VPS8: variants seen among roughly 807,000 people sequenced by gnomAD.
The protein encoded by VPS8 is VPS8 subunit of CORVET complex.
In VPS8, 129 loss-of-function variants were observed where a neutral mutation model predicts 216.4. That is an observed-to-expected ratio of 0.60 (90% CI 0.52 to 0.69). VPS8 has a LOEUF of 0.69. VPS8 is among the 30% of genes least tolerant of loss of function. VPS8 has a pLI of 0.00. For missense variants in VPS8, 1,531 were observed against 1,683.5 expected (o/e 0.91, Z 1.59); for synonymous variants, 571 against 565.4 (o/e 1.01, Z -0.14).
At chr3:185,025,532 G>A (rs1319596645) in intron 46 of VPS8, among the ~76,000 whole-genome samples, 2 of 152,136 alleles carry the variant, frequency 1.3e-5, no homozygotes, top group Non-Finnish European at 2.9e-5. Flanking sequence ...GAAGAGAAGA[G>A]AATAAAAACA....
chr3:184,877,598 C>A (rs181101995), intron 21 of VPS8, among the ~76,000 whole-genome samples: 13 of 152,188 alleles, frequency 8.5e-5, no homozygotes, highest in Admixed American at 4.6e-4. Flanking sequence ...CCTCCATTTT[C>A]CAGAGGAAAT....
At chr3:184,901,046 A>C (rs1434014300) in intron 25 of VPS8, 74 bp downstream of exon 25, 1 of 1,327,840 alleles carries the variant, frequency 7.5e-7, no homozygotes, top group African/African-American at 1.5e-5. Context: ...AAAATTGGCC[A>C]ATTATATGTG....
At chr3:184,813,210 C>G (rs1045699663) in intron 1 of VPS8, among the ~76,000 whole-genome samples, 3 of 152,142 alleles carry the variant, frequency 2.0e-5, no homozygotes, top group Non-Finnish European at 4.4e-5. Context: ...GCCCCCTCCA[C>G]TTCTTAGATT....
chr3:184,994,554 A>C (rs1752367569), intron 43 of VPS8, among the ~76,000 whole-genome samples: 1 of 152,170 alleles, frequency 6.6e-6, no homozygotes, highest in African/African-American at 2.4e-5. Flanking sequence ...AGAATGTAGA[A>C]ATGCATCTAA....
In VPS8 at chr3:184,929,636, A is replaced by G. The variant is rs760812587; in HGVS notation, c.2771A>G (p.Asp924Gly). ...EREHQYDKII[D>G]CYLRDPLREE... is the part of the protein sequence containing the mutation. The stretch of plus-strand genomic sequence containing the variant: ...GAACACCAATATGATAAAATTATTG[A>G]TTGCTACTTACGTGACCCTCTGCGA... Residue 924 changes from aspartate to glycine, a missense_variant, in exon 33 of 48, where the codon GAT becomes GGT. Transcript: ENST00000625842. 11 of 1,530,244 alleles carry G rather than the reference A, an allele frequency of 7.2e-6. No individual in the cohort carries two copies. Among genetic ancestry groups the G allele is most frequent in the Non-Finnish European group, 8.8e-6 (10 of 1,134,188 alleles). 94.8% of individuals were successfully genotyped at this position (1,530,244 alleles called of 1,614,324 possible).
At chr3:184,873,584 G>A (rs1728733525) in intron 21 of VPS8, among the ~76,000 whole-genome samples, 1 of 152,088 alleles carries the variant, frequency 6.6e-6, no homozygotes, top group African/African-American at 2.4e-5. Flanking sequence ...AAATGAGAGA[G>A]CTAGAATTTG....
chr3:184,988,857 A>G (rs1751491852), intron 42 of VPS8, among the ~76,000 whole-genome samples: 1 of 152,144 alleles, frequency 6.6e-6, no homozygotes, highest in Non-Finnish European at 1.5e-5. Context: ...CTTCATACAA[A>G]CTGTGTATAT....
chr3:185,016,112 G>A (rs775160823), intron 45 of VPS8, among the ~76,000 whole-genome samples: 1 of 151,876 alleles, frequency 6.6e-6, no homozygotes, highest in Non-Finnish European at 1.5e-5. Flanking sequence ...ATTACTCATG[G>A]CGTAGGTAGG....
intron 8 of VPS8, among the ~76,000 whole-genome samples, chr3:184,845,749 C>G (rs948287467): frequency 3.6e-5 from 5 of 139,148 alleles, no homozygotes; most frequent in Admixed American, 7.2e-5. Context: ...GAGCGAAACT[C>G]CGTCTCAAAA....
intron 22 of VPS8, 140 bp from the exon 23 acceptor site, chr3:184,894,563 A>C: frequency 1.8e-6 from 1 of 553,838 alleles, no homozygotes; most frequent in Non-Finnish European, 3.2e-6. Flanking sequence ...GCAGTATAAA[A>C]CTCTGTGAAT....
At chr3:184,931,148 T>G (rs1446566185) in intron 34 of VPS8, among the ~76,000 whole-genome samples, 1 of 152,226 alleles carries the variant, frequency 6.6e-6, no homozygotes, top group African/African-American at 2.4e-5. Context: ...CAATGTGTTC[T>G]GAAATGGGAC....
Position 184,930,584 on chromosome 3 carries a change from A to T in VPS8, c.2898+16A>T, listed in dbSNP as rs1031672373. The T allele has an allele frequency of 6.4e-7, 1 of 1,561,280 alleles. No homozygotes were observed. The highest frequency in any genetic ancestry group is 8.8e-7 in the Non-Finnish European group (1 of 1,132,384). The stretch of plus-strand genomic sequence containing the variant: ...TCATATTGAGGTACTGATGCGCAAA[A>T]CTTCACACTTCACCATCTGAACGAT... On this transcript the variant is annotated intron_variant, in intron 34 of 47. Transcript: ENST00000625842.
intron 2 of VPS8, among the ~76,000 whole-genome samples, chr3:184,825,722 G>GA (rs1288082645): frequency 6.6e-6 from 1 of 152,066 alleles, no homozygotes; most frequent in African/African-American, 2.4e-5. Context: ...GCCTTATGAT[G>GA]AAACCCCATC....
intron 25 of VPS8, among the ~76,000 whole-genome samples, chr3:184,909,412 G>A (rs1211715460): frequency 6.6e-6 from 1 of 152,030 alleles, no homozygotes; most frequent in Non-Finnish European, 1.5e-5. Context: ...CCATTTCTGA[G>A]GTCTGTTTCT....
intron 21 of VPS8, among the ~76,000 whole-genome samples, chr3:184,880,187 A>T (rs1246702006): frequency 6.6e-6 from 1 of 152,182 alleles, no homozygotes; most frequent in Non-Finnish European, 1.5e-5. Flanking sequence ...CAATAAGAGA[A>T]CATCTCATGA....
At chr3:184,984,254 TGTA>T (rs1750717273) in intron 42 of VPS8, among the ~76,000 whole-genome samples, 1 of 149,438 alleles carries the variant, frequency 6.7e-6, no homozygotes, top group Non-Finnish European at 1.5e-5. Flanking sequence ...GACTACATCC[TGTA>T]GTCTTTGTCA....
intron 45 of VPS8, among the ~76,000 whole-genome samples, chr3:185,013,441 G>A (rs531900564): frequency 6.6e-6 from 1 of 152,316 alleles, no homozygotes; most frequent in East Asian, 1.9e-4. Context: ...GACCTTCCAA[G>A]TGTTTTTATC....
rs118006487 is a variant in VPS8, at chr3:184,909,938, A to G, written c.2147-3581A>G. 3.9e-5 allele frequency among the ~76,000 whole-genome samples: 6 copies of G among 151,948 alleles called. No homozygotes were observed. The East Asian group carries it at 1.2e-3, about 29-fold the overall frequency. On this transcript the variant is annotated intron_variant, in intron 25 of 47. Coordinates refer to ENST00000625842, the MANE Select transcript of VPS8 (RefSeq NM_001009921.3). Reference sequence around the variant, plus strand: ...GTATCGTCTTCCATTGTTTTATCAGATAATTTTCTTGGTGGGCTTGAATTG... The same window carrying G: ...GTATCGTCTTCCATTGTTTTATCAGGTAATTTTCTTGGTGGGCTTGAATTG...
chr3:184,825,959 A>C (rs941221418), intron 2 of VPS8, among the ~76,000 whole-genome samples: 1 of 151,908 alleles, frequency 6.6e-6, no homozygotes, highest in African/African-American at 2.4e-5. Context: ...TAGTGCATAT[A>C]TGTCCTTGAT....
Sources: gnomAD v4.1 joint callset for allele counts (sites outside exome capture counted in the v4.1 genomes callset) on GRCh38, gnomAD v4.1.1 for gene constraint, MANE v1.5 for transcripts, NCBI Gene and HGNC (gene_info 2026-07-23, HGNC 2026-07-21) for gene names.